The following MCF2L2 variants were observed in gnomAD, a reference collection of about 807,000 sequenced individuals.
The protein encoded by MCF2L2 is probable guanine nucleotide exchange factor MCF2L2.
In MCF2L2, 102 loss-of-function variants were observed where a neutral mutation model predicts 150.2. The observed-to-expected ratio is 0.68, with a 90% confidence interval of 0.58 to 0.80. The LOEUF is 0.80. Ranked by LOEUF, MCF2L2 falls within the 30% of genes least tolerant of loss-of-function variation. The probability of loss-of-function intolerance (pLI) is 0.00; values close to 1 mark genes in which losing one functional copy is unlikely to be tolerated. For missense variants in MCF2L2, 1,256 were observed against 1,372.8 expected (o/e 0.91, Z 1.34); for synonymous variants, 465 against 491.3 (o/e 0.95, Z 0.71).
rs749444827 is a variant in MCF2L2 at position 183,224,085 on chromosome 3, T to C, written c.2208+13A>G. 3 of 1,606,826 alleles carry C rather than the reference T, an allele frequency of 1.9e-6. No individual in the cohort carries two copies. The highest frequency in any genetic ancestry group is 2.6e-6 in the Non-Finnish European group (3 of 1,173,618). Reference sequence around the variant, plus strand: ...AACATTTTCCAGGAAGAAGTTTGTCTTCTCAACATTACCCCAAAGTAGGCG... The same window carrying C: ...AACATTTTCCAGGAAGAAGTTTGTCCTCTCAACATTACCCCAAAGTAGGCG... On this transcript the variant is annotated intron_variant, in intron 19 of 29. Coordinates refer to ENST00000328913, the MANE Select transcript of MCF2L2 (RefSeq NM_015078.4).
At chr3:183,194,486 G>A (rs1202033550) in intron 26 of MCF2L2, among the ~76,000 whole-genome samples, 1 of 152,202 alleles carries the variant, frequency 6.6e-6, no homozygotes, top group African/African-American at 2.4e-5. Context: ...AGCAGCCAGA[G>A]GGGAAGCCGG....
chr3:183,179,958 G>T lies in MCF2L2; in HGVS notation c.3105+113C>A. 1.1e-6 allele frequency: 1 copy of T among 922,744 alleles called. No individual in the cohort carries two copies. The allele number at this position is 922,744 out of a possible 1,614,324, so 57.2% of individuals were successfully genotyped here. A position where few individuals can be genotyped will look rare whatever the true frequency, so the allele number is the denominator to read the frequency against. On this transcript the variant is annotated intron_variant, in intron 28 of 29. Coordinates refer to ENST00000328913, the MANE Select transcript of MCF2L2 (RefSeq NM_015078.4). The surrounding 1 kb of genome is among the most constrained non-coding windows in gnomAD (Gnocchi z 4.2). Reference sequence around the variant, plus strand: ...CTCCCTGGCTTAACCAGGTCCTTATGGGTGAGAATCCTGAGGAGGGGGAGA... The same window carrying T: ...CTCCCTGGCTTAACCAGGTCCTTATTGGTGAGAATCCTGAGGAGGGGGAGA...
chr3:183,313,146 G>GT (rs1729454894), intron 7 of MCF2L2, among the ~76,000 whole-genome samples: 1 of 152,142 alleles, frequency 6.6e-6, no homozygotes, highest in East Asian at 1.9e-4. Context: ...TCTTGGGTCA[G>GT]TATCTTAGCC....
intron 13 of MCF2L2, among the ~76,000 whole-genome samples, chr3:183,294,904 A>G (rs1728403203): frequency 6.6e-6 from 1 of 152,120 alleles, no homozygotes. Flanking sequence ...CTGGGATTAC[A>G]GGCGTGAGCC....
intron 14 of MCF2L2, among the ~76,000 whole-genome samples, chr3:183,279,701 G>A (rs1201589749): frequency 6.6e-6 from 1 of 152,090 alleles, no homozygotes; most frequent in Non-Finnish European, 1.5e-5. Flanking sequence ...GCAAAAAGAT[G>A]GCAAAAAAGA....
At chr3:183,329,000 T>C (rs1044140278) in intron 5 of MCF2L2, among the ~76,000 whole-genome samples, 2 of 152,118 alleles carry the variant, frequency 1.3e-5, no homozygotes, top group Non-Finnish European at 2.9e-5. Context: ...GCCTATTAAA[T>C]GACTAATTAA....
At chr3:183,341,316 A>G (rs377252847) in intron 4 of MCF2L2, among the ~76,000 whole-genome samples, 5 of 152,240 alleles carry the variant, frequency 3.3e-5, no homozygotes, top group African/African-American at 1.2e-4. Context: ...CAGAGAAGTC[A>G]GTAAGGTAGA....
At chr3:183,240,512 C>T (rs759280911) in intron 15 of MCF2L2, among the ~76,000 whole-genome samples, 1 of 152,214 alleles carries the variant, frequency 6.6e-6, no homozygotes, top group Non-Finnish European at 1.5e-5. Flanking sequence ...GAAACCACGC[C>T]TAGTCCCCCA....
intron 3 of MCF2L2, chr3:183,378,132 T>C (rs1230372671): frequency 1.3e-5 from 2 of 152,210 alleles, no homozygotes; most frequent in Non-Finnish European, 2.9e-5. Context: ...AGGCAGCCTC[T>C]CAGTCACAAA....
intron 14 of MCF2L2, among the ~76,000 whole-genome samples, chr3:183,284,878 C>A (rs1480112042): frequency 2.0e-5 from 3 of 152,174 alleles, no homozygotes; most frequent in Admixed American, 6.5e-5. Flanking sequence ...GAGGGCCACC[C>A]CAGGATTTGG....
chr3:183,387,159 G>A (rs1385170290), intron 2 of MCF2L2, among the ~76,000 whole-genome samples: 2 of 151,898 alleles, frequency 1.3e-5, no homozygotes, highest in East Asian at 1.9e-4. Flanking sequence ...AGTTAACTCA[G>A]GAGGCTGAGG....
rs558521545 is a variant in MCF2L2 at position 183,383,541 on chromosome 3, G to C, written c.161-4130C>G. Among the ~76,000 whole-genome samples, 538 of 152,114 alleles carry C rather than the reference G, an allele frequency of 3.5e-3. 1 individual carries two copies. The highest frequency in any genetic ancestry group is 5.8e-3 in the Non-Finnish European group (396 of 67,992). On this transcript the variant is annotated intron_variant, in intron 2 of 29. Coordinates refer to ENST00000328913, the MANE Select transcript of MCF2L2 (RefSeq NM_015078.4). ...GGCGTAAGCCACCATGCCCGGCCAAGAGGTTTTTTTTTAATCTTAATAAAG... is the reference window on the plus strand; with the variant it reads ...GGCGTAAGCCACCATGCCCGGCCAACAGGTTTTTTTTTAATCTTAATAAAG...
intron 27 of MCF2L2, chr3:183,182,824 G>A (rs1721576123): frequency 6.6e-6 from 1 of 152,306 alleles, no homozygotes; most frequent in South Asian, 2.1e-4. Flanking sequence ...GCGGAGGAAA[G>A]TGCGGCTCAC....
At chr3:183,344,502 G>A (rs1730823860) in intron 3 of MCF2L2, among the ~76,000 whole-genome samples, 1 of 152,168 alleles carries the variant, frequency 6.6e-6, no homozygotes, top group African/African-American at 2.4e-5. Flanking sequence ...TCAACACTAT[G>A]AAGAAACTGC....
At position 183,271,025 on chromosome 3, in the gene MCF2L2, T is replaced by G; in HGVS notation, c.1862+5847A>C. On this transcript the variant is annotated intron_variant, in intron 15 of 29. Coordinates refer to ENST00000328913, the MANE Select transcript of MCF2L2 (RefSeq NM_015078.4). ...ATGTTCGTCTATACCCTAAGTAAAA[T>G]GAGGACGAAAGACAAATATTTTGAA... is the stretch of plus-strand genomic sequence containing the variant. 3.2e-6 allele frequency: 4 copies of G among 1,250,190 alleles called. No individual in the cohort carries two copies. The South Asian group carries it at 6.9e-5, about 21-fold the overall frequency. 77.4% of individuals were successfully genotyped at this position (1,250,190 alleles called of 1,614,324 possible). A position where few individuals can be genotyped will look rare whatever the true frequency, so the allele number is the denominator to read the frequency against.
intron 15 of MCF2L2, chr3:183,272,867 T>C (rs1269796880): frequency 7.8e-7 from 1 of 1,285,294 alleles, no homozygotes; most frequent in African/African-American, 1.6e-5. Flanking sequence ...AGTGATCTTG[T>C]TTACAGCAGT....
intron 12 of MCF2L2, among the ~76,000 whole-genome samples, chr3:183,295,983 G>A (rs1728480958): frequency 6.6e-6 from 1 of 151,642 alleles, no homozygotes; most frequent in South Asian, 2.1e-4. Context: ...CAAACAATTA[G>A]AATACAATGT....
chr3:183,270,765 C>T lies in MCF2L2; in HGVS notation c.1862+6107G>A. On this transcript the variant is annotated intron_variant, in intron 15 of 29. Coordinates refer to ENST00000328913, the MANE Select transcript of MCF2L2 (RefSeq NM_015078.4). This position sits in a 1 kb window ranked among gnomAD's most constrained non-coding sequence, Gnocchi z 4.5. ...CATCTATGAAAAAATGATGACATCT[C>T]ATGGACACTTAGAAGATCTCCAGGA... The T allele has an allele frequency of 6.2e-7, 1 of 1,613,858 alleles. No individual in the cohort carries two copies.
chr3:183,205,332 G>T (rs1722434814), intron 25 of MCF2L2, among the ~76,000 whole-genome samples: 1 of 152,074 alleles, frequency 6.6e-6, no homozygotes, highest in Non-Finnish European at 1.5e-5. Context: ...AGCCCAGATG[G>T]TGCCACTGCA....
Sources: gnomAD v4.1 joint callset for allele counts (sites outside exome capture counted in the v4.1 genomes callset) on GRCh38, gnomAD v4.1.1 for gene constraint, Gnocchi (gnomAD v3.1) non-coding constraint, MANE v1.5 for transcripts, NCBI Gene and HGNC (gene_info 2026-07-23, HGNC 2026-07-21) for gene names.